MACROD2: variants seen among roughly 807,000 people sequenced by gnomAD.
The protein encoded by MACROD2 is mono-ADP ribosylhydrolase 2.
A neutral mutation model predicts 70.4 loss-of-function variants in MACROD2; 36 were observed. That is an observed-to-expected ratio of 0.51 (90% CI 0.39 to 0.68). MACROD2 has a LOEUF of 0.68. Among genes scored for constraint, MACROD2 ranks in the 30% least tolerant of loss-of-function variants. The pLI, the probability that MACROD2 is intolerant of heterozygous loss-of-function variation, is 0.00. For synonymous variants in MACROD2, 172 were observed against 178.8 expected, an observed-to-expected ratio of 0.96 and a Z score of 0.30; for missense variants, 496 against 538.4, an observed-to-expected ratio of 0.92 and a Z score of 0.78.
At chr20:15,120,892 T>C (rs1367558919) in intron 5 of MACROD2, among the ~76,000 whole-genome samples, 2 of 152,156 alleles carry the variant, frequency 1.3e-5, no homozygotes, top group African/African-American at 2.4e-5. Context: ...TTGACTACCC[T>C]CTCTTAGGTG....
intron 4 of MACROD2, among the ~76,000 whole-genome samples, chr20:14,502,294 C>G (rs2084923168): frequency 6.6e-6 from 1 of 152,052 alleles, no homozygotes; most frequent in African/African-American, 2.4e-5. Flanking sequence ...GTTAAGAATC[C>G]TCTTCTTCAT....
intron 8 of MACROD2, among the ~76,000 whole-genome samples, chr20:15,610,258 G>C (rs1260889689): frequency 2.0e-5 from 3 of 152,134 alleles, no homozygotes; most frequent in Non-Finnish European, 4.4e-5. Context: ...TAGTTGCCTA[G>C]AGCACCACAA....
At chr20:15,245,085 G>A (rs1222117442) in intron 6 of MACROD2, among the ~76,000 whole-genome samples, 1 of 152,204 alleles carries the variant, frequency 6.6e-6, no homozygotes, top group African/African-American at 2.4e-5. Context: ...TAGTGTTAAT[G>A]TGAGACATGG....
intron 9 of MACROD2, among the ~76,000 whole-genome samples, chr20:15,880,083 C>A (rs938077577): frequency 6.6e-6 from 1 of 151,986 alleles, no homozygotes; most frequent in Non-Finnish European, 1.5e-5. Flanking sequence ...CAGTCTGCTC[C>A]GTACCCATTC....
intron 5 of MACROD2, among the ~76,000 whole-genome samples, chr20:15,061,725 G>A (rs1482491470): frequency 6.6e-6 from 1 of 152,134 alleles, no homozygotes; most frequent in African/African-American, 2.4e-5. Flanking sequence ...GAAGGGGAAG[G>A]GGCTTTGCAG....
chr20:14,455,732 A>G (rs2084294126), intron 3 of MACROD2, among the ~76,000 whole-genome samples: 2 of 151,648 alleles, frequency 1.3e-5, no homozygotes, highest in Admixed American at 1.3e-4. Flanking sequence ...TATAAAGTTT[A>G]TTTAAATATT....
Position 14,750,245 on chromosome 20 carries a change from G to A in MACROD2, c.418+65286G>A, listed in dbSNP as rs117374827. Among the ~76,000 whole-genome samples the A allele has an allele frequency of 9.0e-3, 1,366 of 152,108 alleles. 53 individuals are homozygous for A. In the East Asian group the frequency reaches 0.11, roughly 12 times the overall value. ...TTTATCATATAAACTCATTTGAGAT[G>A]TTAAATGATTTAGAAACACTATAAA... On this transcript the variant is annotated intron_variant, in intron 5 of 17. Transcript: ENST00000684519.
intron 5 of MACROD2, among the ~76,000 whole-genome samples, chr20:15,215,108 T>C: frequency 6.6e-6 from 1 of 152,184 alleles, no homozygotes; most frequent in East Asian, 1.9e-4. Context: ...TTATTTAAAG[T>C]GTATTATATT....
intron 3 of MACROD2, among the ~76,000 whole-genome samples, chr20:14,226,917 T>G (rs916377329): frequency 3.9e-5 from 6 of 152,158 alleles, no homozygotes; most frequent in Non-Finnish European, 5.9e-5. Flanking sequence ...CTGGCAGGCA[T>G]CTCCACCTGC....
intron 8 of MACROD2, among the ~76,000 whole-genome samples, chr20:15,707,015 A>G (rs1157704262): frequency 6.6e-6 from 1 of 152,184 alleles, no homozygotes; most frequent in African/African-American, 2.4e-5. Flanking sequence ...TGGATTTACA[A>G]AGGTTATCAA....
intron 3 of MACROD2, among the ~76,000 whole-genome samples, chr20:14,423,387 C>T (rs1184238961): frequency 6.7e-6 from 1 of 149,568 alleles, no homozygotes; most frequent in Admixed American, 6.7e-5. Context: ...GGGATGGGGG[C>T]AGGCGGTGGG....
chr20:15,178,772 A>G (rs919962264), intron 5 of MACROD2, among the ~76,000 whole-genome samples: 1 of 152,254 alleles, frequency 6.6e-6, no homozygotes, highest in Non-Finnish European at 1.5e-5. Context: ...CAGCAGGCCA[A>G]GCTGCCAATT....
chr20:15,117,037 A>G (rs962898070), intron 5 of MACROD2, among the ~76,000 whole-genome samples: 3 of 152,120 alleles, frequency 2.0e-5, no homozygotes, highest in Admixed American at 6.5e-5. Flanking sequence ...TAATTAAGGT[A>G]TTTTTCACTG....
intron 3 of MACROD2, among the ~76,000 whole-genome samples, chr20:14,170,039 G>T (rs1243308117): frequency 6.6e-6 from 1 of 152,000 alleles, no homozygotes; most frequent in African/African-American, 2.4e-5. Context: ...GATTACAGGC[G>T]CATGCCACCA....
At chr20:15,501,359 A>T (rs2047362648) in intron 8 of MACROD2, among the ~76,000 whole-genome samples, 1 of 152,238 alleles carries the variant, frequency 6.6e-6, no homozygotes, top group African/African-American at 2.4e-5. Flanking sequence ...GGAAGTTTTC[A>T]TGCATCATCT....
intron 2 of MACROD2, among the ~76,000 whole-genome samples, chr20:14,073,492 A>T (rs1439127706): frequency 6.6e-6 from 1 of 152,236 alleles, no homozygotes; most frequent in East Asian, 1.9e-4. Context: ...AATGAAAATA[A>T]ATATAAATTG....
chr20:14,741,015 G>C (rs1044630658), intron 5 of MACROD2, among the ~76,000 whole-genome samples: 1 of 152,060 alleles, frequency 6.6e-6, no homozygotes, highest in Non-Finnish European at 1.5e-5. Flanking sequence ...ATTTCTGTGA[G>C]AAAAAAGCAA....
intron 8 of MACROD2, among the ~76,000 whole-genome samples, chr20:15,546,027 G>T (rs1035227518): frequency 6.6e-6 from 1 of 152,226 alleles, no homozygotes; most frequent in Non-Finnish European, 1.5e-5. Flanking sequence ...GGACAAGGTG[G>T]ATCACCTGAG....
chr20:15,183,015 C>A (rs2076510732), intron 5 of MACROD2, among the ~76,000 whole-genome samples: 1 of 152,118 alleles, frequency 6.6e-6, no homozygotes, highest in Non-Finnish European at 1.5e-5. Context: ...TGCTTTTGTA[C>A]AAGCTGCCTT....
Sources: allele counts gnomAD v4.1 joint callset (sites outside exome capture counted in the v4.1 genomes callset), GRCh38; gene constraint gnomAD v4.1.1; transcripts MANE v1.5; gene names NCBI Gene and HGNC (gene_info 2026-07-23, HGNC 2026-07-21).